PRELID2: variants seen among roughly 807,000 people sequenced by gnomAD.
PRELID2 encodes PRELI domain containing 2, also known as PRELI domain-containing protein 2.
Under a neutral mutation model 28.4 loss-of-function variants are expected in PRELID2, and 25 were observed. That is an observed-to-expected ratio of 0.88 (90% CI 0.64 to 1.23). The LOEUF (loss-of-function observed/expected upper bound fraction) is 1.23, where lower values mean the gene tolerates loss of function less well. Among genes scored for constraint, PRELID2 ranks in the 50% most tolerant of loss-of-function variants. PRELID2 has a pLI of 0.00. For synonymous variants in PRELID2, 76 were observed against 71.6 expected (o/e 1.06, Z -0.31); for missense variants, 201 against 214.4 (o/e 0.94, Z 0.39).
At chr5:145,265,940 C>A in the PRELID2 span, among the ~76,000 whole-genome samples, 10 of 152,070 alleles carry the variant, frequency 6.6e-5, no homozygotes, top group Non-Finnish European at 1.3e-4. Flanking sequence ...GCAAATGCAA[C>A]AAAAACAAAG....
chr5:145,529,380 T>C (rs1752636277), intron 1 of PRELID2, among the ~76,000 whole-genome samples: 3 of 152,202 alleles, frequency 2.0e-5, no homozygotes, highest in Admixed American at 6.6e-5. Flanking sequence ...CTCATTTTTC[T>C]TGGGTTGTTA....
intron 1 of PRELID2, among the ~76,000 whole-genome samples, chr5:145,711,249 T>C (rs2149710026): frequency 6.6e-6 from 1 of 152,256 alleles, no homozygotes; most frequent in Non-Finnish European, 1.5e-5. Flanking sequence ...TTGTTGCCAT[T>C]CTAACAAAAA....
At chr5:145,568,992 T>C (rs1752992716) in intron 1 of PRELID2, among the ~76,000 whole-genome samples, 1 of 152,222 alleles carries the variant, frequency 6.6e-6, no homozygotes, top group African/African-American at 2.4e-5. Context: ...TGTTTGAAAC[T>C]TTCCTATTTT....
chr5:145,237,634 T>A, the PRELID2 span, among the ~76,000 whole-genome samples: 3,727 of 152,150 alleles, frequency 0.024, 151 homozygotes, highest in African/African-American at 0.085. Context: ...AAATATTGTG[T>A]TTTCCCCTGT....
At chr5:145,557,014 G>A (rs1286019969) in intron 1 of PRELID2, among the ~76,000 whole-genome samples, 9 of 152,034 alleles carry the variant, frequency 5.9e-5, no homozygotes, top group East Asian at 1.9e-4. Context: ...CACTTACCAC[G>A]ATTGCAACTT....
At chr5:145,719,051 T>A (rs1755916818) in intron 1 of PRELID2, among the ~76,000 whole-genome samples, 1 of 151,990 alleles carries the variant, frequency 6.6e-6, no homozygotes, top group Non-Finnish European at 1.5e-5. Flanking sequence ...GCCATCTAAA[T>A]CTGAATCACT....
chr5:145,352,977 A>G, the PRELID2 span, among the ~76,000 whole-genome samples: 1 of 152,184 alleles, frequency 6.6e-6, no homozygotes, highest in Non-Finnish European at 1.5e-5. Context: ...AAGTTATTCA[A>G]CAAGATTTTA....
At chr5:145,549,433 G>A (rs553757542) in intron 1 of PRELID2, among the ~76,000 whole-genome samples, 1 of 152,288 alleles carries the variant, frequency 6.6e-6, no homozygotes, top group African/African-American at 2.4e-5. Flanking sequence ...GTTCGGAGGT[G>A]TTTACTTACT....
chr5:145,322,857 T>C, the PRELID2 span, among the ~76,000 whole-genome samples: 3 of 152,060 alleles, frequency 2.0e-5, no homozygotes, highest in Non-Finnish European at 4.4e-5. Context: ...AAGCTGGGCC[T>C]GTAGTCCCAG....
the PRELID2 span, chr5:145,441,058 G>A: frequency 6.6e-6 from 1 of 152,062 alleles, no homozygotes; most frequent in Non-Finnish European, 1.5e-5. Flanking sequence ...GGGAGTCCAG[G>A]AGAAATCTCA....
chr5:145,723,399 A>G (rs891507527), intron 1 of PRELID2, among the ~76,000 whole-genome samples: 2 of 152,184 alleles, frequency 1.3e-5, no homozygotes, highest in African/African-American at 4.8e-5. Flanking sequence ...TGTACAAAGG[A>G]GTAATTACAT....
chr5:145,621,399 A>G (rs1753771923), intron 1 of PRELID2, among the ~76,000 whole-genome samples: 2 of 152,152 alleles, frequency 1.3e-5, no homozygotes, highest in South Asian at 4.1e-4. Flanking sequence ...TTCTAGCTGT[A>G]TACAAAGAGA....
chr5:145,494,031 C>T (rs1023530296), intron 1 of PRELID2, among the ~76,000 whole-genome samples: 9 of 152,120 alleles, frequency 5.9e-5, no homozygotes, highest in African/African-American at 1.9e-4. Flanking sequence ...GATTCCTGAA[C>T]ATTTACTTAG....
At chr5:145,334,040 C>T in the PRELID2 span, among the ~76,000 whole-genome samples, 2 of 152,052 alleles carry the variant, frequency 1.3e-5, no homozygotes, top group African/African-American at 4.8e-5. Context: ...GAGGGAATTC[C>T]CTTGTCCTTC....
At chr5:145,364,720 T>C in the PRELID2 span, among the ~76,000 whole-genome samples, 1 of 151,934 alleles carries the variant, frequency 6.6e-6, no homozygotes, top group African/African-American at 2.4e-5. Context: ...TAAAATTCTA[T>C]GGTATATGCA....
rs181692296 is a variant in PRELID2, at chr5:145,569,613, C to T, written n.71-96298G>A. The stretch of plus-strand genomic sequence containing the variant: ...GGCTGACATTGGAATATGTGATTTC[C>T]TCTGCAAGATCTCAAAAAACCTATG... On this transcript the variant is annotated intron_variant and non_coding_transcript_variant, in intron 1 of 2. Transcript: ENST00000510259. Among the ~76,000 whole-genome samples, 451 of 152,254 alleles carry T rather than the reference C, an allele frequency of 3.0e-3. 1 individual carries two copies. The highest frequency in any genetic ancestry group is 4.7e-3 in the Non-Finnish European group (323 of 68,024).
chr5:145,507,203 A>G (rs60821847), intron 1 of PRELID2, among the ~76,000 whole-genome samples: 79 of 152,274 alleles, frequency 5.2e-4, no homozygotes, highest in Middle Eastern at 6.8e-3. Context: ...TTTGTCAAAT[A>G]TAAATAAATG....
At chr5:145,589,239 C>G (rs1753194145) in intron 1 of PRELID2, among the ~76,000 whole-genome samples, 1 of 152,146 alleles carries the variant, frequency 6.6e-6, no homozygotes, top group African/African-American at 2.4e-5. Context: ...CTTTTATAAA[C>G]CAGGCTCTGG....
At chr5:145,249,194 C>G in the PRELID2 span, among the ~76,000 whole-genome samples, 1 of 152,138 alleles carries the variant, frequency 6.6e-6, no homozygotes, top group Non-Finnish European at 1.5e-5. Flanking sequence ...GCTTTTGCAA[C>G]AAGCCCAAAA....
Sources: gnomAD v4.1 joint callset for allele counts (sites outside exome capture counted in the v4.1 genomes callset) on GRCh38, gnomAD v4.1.1 for gene constraint, MANE v1.5 for transcripts, NCBI Gene and HGNC (gene_info 2026-07-23, HGNC 2026-07-21) for gene names.